KAT6A: variants seen among roughly 807,000 people sequenced by gnomAD.
KAT6A encodes lysine acetyltransferase 6A.
Under a neutral mutation model 198.4 loss-of-function variants are expected in KAT6A, and 9 were observed. The ratio of observed to expected loss-of-function variants is 0.05; its 90% CI spans 0.03 to 0.08. The LOEUF (loss-of-function observed/expected upper bound fraction) is 0.08. Ranked by LOEUF, KAT6A falls within the 10% of genes least tolerant of loss-of-function variation. The pLI is 1.00. For synonymous variants in KAT6A, 890 were observed against 883.0 expected (o/e 1.01, Z -0.14); for missense variants, 2,077 against 2,509.9 (o/e 0.83, Z 3.69).
Position 42,048,875 on chromosome 8 carries a change from C to T in KAT6A, c.103G>A (p.Ala35Thr). The T allele has an allele frequency of 6.2e-7, 1 of 1,614,158 alleles. No homozygotes were observed. Among genetic ancestry groups the T allele is most frequent in the Non-Finnish European group, 8.5e-7 (1 of 1,180,014 alleles). The change falls in exon 2 of 17, where the codon GCT (alanine) becomes ACT (threonine). Residue 35 changes from alanine (A) to threonine (T), a missense_variant. Around this residue, in one of 13 missense-constraint regions of KAT6A, gnomAD observed 35 missense variants for 76.6 expected, o/e 0.46. Transcript: ENST00000265713. ...TCCAAGCCATGGGATGAAGACACAGCATTGCATATCCTTTCTTCTGAAGGA... is the reference window on the plus strand; with the variant it reads ...TCCAAGCCATGGGATGAAGACACAGTATTGCATATCCTTTCTTCTGAAGGA... Reference protein sequence around the residue: ...QRPSEERICNAVSSSHGLDRK... With the variant: ...QRPSEERICNTVSSSHGLDRK...
At chr8:42,051,707 G>A (rs1443675351) in intron 1 of KAT6A, among the ~76,000 whole-genome samples, 194 bp downstream of exon 1, 4 of 145,650 alleles carry the variant, frequency 2.7e-5, no homozygotes, top group Admixed American at 2.7e-4. Flanking sequence ...GCGAGCGAGC[G>A]AGCGGGCGGG....
chr8:42,016,309 C>T (rs1826269685), intron 2 of KAT6A, among the ~76,000 whole-genome samples: 1 of 152,236 alleles, frequency 6.6e-6, no homozygotes, highest in Non-Finnish European at 1.5e-5. Flanking sequence ...AGAAACACAA[C>T]TCTCTTCTTA....
At chr8:42,001,341 CTAAG>C (rs1825486777) in intron 2 of KAT6A, among the ~76,000 whole-genome samples, 2 of 152,086 alleles carry the variant, frequency 1.3e-5, no homozygotes, top group Non-Finnish European at 2.9e-5. Context: ...GTCTCTGTAA[CTAAG>C]TAAGACAAAA....
At chr8:42,039,016 A>G (rs527641009) in intron 2 of KAT6A, among the ~76,000 whole-genome samples, 2 of 152,356 alleles carry the variant, frequency 1.3e-5, no homozygotes, top group African/African-American at 4.8e-5. Flanking sequence ...AGATACATGT[A>G]CAGGGCTGAT....
rs776740392 is a variant in KAT6A at position 42,048,859 on chromosome 8, T to C, written c.119A>G (p.His40Arg). Residue 40 changes from histidine (H) to arginine (R), a missense_variant, in exon 2 of 17, where the codon CAT becomes CGT. Physicochemically the swap from His to Arg is conservative, Grantham distance 29. Coordinates refer to ENST00000265713, the MANE Select transcript of KAT6A (RefSeq NM_006766.5). ...TAAAACAGTTTTACGATCCAAGCCA[T>C]GGGATGAAGACACAGCATTGCATAT... Reference protein sequence around the residue: ...ERICNAVSSSHGLDRKTVLEQ... With the variant: ...ERICNAVSSSRGLDRKTVLEQ... The C allele has an allele frequency of 1.2e-6, 2 of 1,614,208 alleles. No individual in the cohort carries two copies. The highest frequency in any genetic ancestry group is 2.2e-5 in the East Asian group (1 of 44,886).
chr8:41,988,602 A>C (rs1200537320), intron 2 of KAT6A, among the ~76,000 whole-genome samples: 1 of 152,254 alleles, frequency 6.6e-6, no homozygotes, highest in African/African-American at 2.4e-5. Context: ...TGGTGAAGAC[A>C]AGATGAGAAC....
chr8:42,022,870 T>C (rs1826617862), intron 2 of KAT6A, among the ~76,000 whole-genome samples: 1 of 152,236 alleles, frequency 6.6e-6, no homozygotes, highest in Non-Finnish European at 1.5e-5. Context: ...CTAAGCCTAA[T>C]GTACTGATAT....
intron 8 of KAT6A, among the ~76,000 whole-genome samples, chr8:41,968,291 A>C (rs573790802): frequency 2.2e-4 from 33 of 152,290 alleles, no homozygotes; most frequent in African/African-American, 6.7e-4. Context: ...AAAAACAAAC[A>C]ACCCCATGAA....
intron 2 of KAT6A, among the ~76,000 whole-genome samples, chr8:42,017,638 G>C (rs548775699): frequency 6.6e-6 from 1 of 152,194 alleles, no homozygotes; most frequent in Non-Finnish European, 1.5e-5. Flanking sequence ...GGACTACAGT[G>C]TGCTGGAAGG....
chr8:42,008,291 T>G lies in KAT6A; in HGVS notation c.601-20728A>C, dbSNP rs139670708. 5.8e-3 allele frequency among the ~76,000 whole-genome samples: 879 copies of G among 152,246 alleles called. 8 individuals are homozygous for G. Among genetic ancestry groups the G allele is most frequent in the South Asian group, 0.029 (139 of 4,822 alleles). Reference sequence around the variant, plus strand: ...TTAGGATAATCCAAAGCTAACATTTTCAACTCCAAAAATCCTAGAGCCTAA... The same window carrying G: ...TTAGGATAATCCAAAGCTAACATTTGCAACTCCAAAAATCCTAGAGCCTAA... On this transcript the variant is annotated intron_variant, in intron 2 of 16. Coordinates refer to ENST00000265713, the MANE Select transcript of KAT6A (RefSeq NM_006766.5).
chr8:42,047,567 T>C (rs1802376951), intron 2 of KAT6A, among the ~76,000 whole-genome samples: 1 of 151,968 alleles, frequency 6.6e-6, no homozygotes, highest in Non-Finnish European at 1.5e-5. Context: ...GGCGCGCCCA[T>C]ACCTGGCTAA....
chr8:41,946,720 G>T, intron 11 of KAT6A, 36 bp from the exon 12 acceptor site: 1 of 1,193,356 alleles, frequency 8.4e-7, no homozygotes, highest in Non-Finnish European at 1.3e-6. Context: ...TTGAAAACAG[G>T]CTGGTAAAAG....
intron 8 of KAT6A, among the ~76,000 whole-genome samples, chr8:41,965,189 G>A (rs1422041639): frequency 6.6e-6 from 1 of 152,174 alleles, no homozygotes; most frequent in Admixed American, 6.5e-5. Context: ...GTGCTTCTGA[G>A]GTGACAGATT....
At chr8:41,972,420 A>G (rs1406699747) in intron 8 of KAT6A, among the ~76,000 whole-genome samples, 1 of 152,224 alleles carries the variant, frequency 6.6e-6, no homozygotes, top group Non-Finnish European at 1.5e-5. Flanking sequence ...ATAGGTAGAA[A>G]GCAATGTTAG....
intron 15 of KAT6A, among the ~76,000 whole-genome samples, 158 bp downstream of exon 15, chr8:41,940,684 G>A (rs2929896): frequency 6.6e-6 from 1 of 151,960 alleles, no homozygotes; most frequent in African/African-American, 2.4e-5. Context: ...AATGTTCACT[G>A]GGAAGATCTT....
At chr8:42,030,496 G>C (rs1210937700) in intron 2 of KAT6A, among the ~76,000 whole-genome samples, 1 of 152,046 alleles carries the variant, frequency 6.6e-6, no homozygotes, top group Non-Finnish European at 1.5e-5. Flanking sequence ...GTGAATGTTG[G>C]GGTCCTCTAG....
In KAT6A at chr8:41,980,651, G is replaced by A. The variant is rs555649164; in HGVS notation, c.907+195C>T. 5.3e-5 allele frequency among the ~76,000 whole-genome samples: 8 copies of A among 152,206 alleles called. No individual in the cohort carries two copies. The East Asian group carries it at 9.6e-4, about 18-fold the overall frequency. On this transcript the variant is annotated intron_variant, in intron 5 of 16. Coordinates refer to ENST00000265713, the MANE Select transcript of KAT6A (RefSeq NM_006766.5). ...AGATATTGAAAATAACAATAAATCC[G>A]TATCATGTAAGAATGTTAAGATGCC... is the stretch of plus-strand genomic sequence containing the variant.
chr8:41,996,187 T>A (rs1193767207), intron 2 of KAT6A, among the ~76,000 whole-genome samples: 1 of 152,226 alleles, frequency 6.6e-6, no homozygotes, highest in Non-Finnish European at 1.5e-5. Context: ...CTATAATTTG[T>A]CACCACTGAA....
chr8:41,977,101 G>T lies in KAT6A; in HGVS notation c.1270C>A (p.Arg424=). 1 of 1,614,056 alleles carries T rather than the reference G, an allele frequency of 6.2e-7. No homozygotes were observed. The change falls in exon 7 of 17, where the codon CGG becomes AGG. Residue 424 remains arginine, a synonymous_variant. Transcript: ENST00000265713. ...TCCACCACTTCCCCCCGAGCTTTCC[G>T]CCCATCAGGGGAAGGGGTAAAAAAT... The part of the protein sequence containing the change: ...TKFFTPSPDG[R]KARGEVVDYS...
Sources: gnomAD v4.1 joint callset for allele counts (sites outside exome capture counted in the v4.1 genomes callset) on GRCh38, gnomAD v4.1.1 for gene constraint, gnomAD v4.1.1 regional missense constraint, MANE v1.5 for transcripts, NCBI Gene and HGNC (gene_info 2026-07-23, HGNC 2026-07-21) for gene names.